Variants in FHIP1A observed in about 807,000 individuals in gnomAD.
The protein encoded by FHIP1A is FHF complex subunit HOOK interacting protein 1A.
FHIP1A carries 61 observed loss-of-function variants against 88.6 expected under a neutral mutation model. The ratio of observed to expected loss-of-function variants is 0.69; its 90% CI spans 0.56 to 0.85. The LOEUF is 0.85. Ranked by LOEUF, FHIP1A falls within the 40% of genes least tolerant of loss-of-function variation. The pLI, the probability that FHIP1A is intolerant of heterozygous loss-of-function variation, is 0.00. For missense variants in FHIP1A, 1,154 were observed against 1,273.5 expected, an observed-to-expected ratio of 0.91 and a Z score of 1.43; for synonymous variants, 478 against 496.0, an observed-to-expected ratio of 0.96 and a Z score of 0.48.
intron 2 of FHIP1A, among the ~76,000 whole-genome samples, chr4:151,474,429 G>A (rs1309663130): frequency 6.6e-6 from 1 of 152,140 alleles, no homozygotes; most frequent in Admixed American, 6.6e-5. Flanking sequence ...TAAAGATACT[G>A]TACTGTTTAG....
intron 13 of FHIP1A, among the ~76,000 whole-genome samples, chr4:151,660,728 G>A (rs994875218): frequency 3.9e-5 from 6 of 152,170 alleles, no homozygotes; most frequent in Non-Finnish European, 1.5e-5. Context: ...TTTGGGTAGA[G>A]GGCAGAGGAA....
At chr4:151,591,823 G>A (rs1164653338) in intron 7 of FHIP1A, among the ~76,000 whole-genome samples, 2 of 152,174 alleles carry the variant, frequency 1.3e-5, no homozygotes, top group East Asian at 1.9e-4. Flanking sequence ...ATTCCATGGT[G>A]TATTCCATGG....
intron 3 of FHIP1A, among the ~76,000 whole-genome samples, chr4:151,524,201 C>G (rs1731548776): frequency 1.3e-5 from 2 of 151,766 alleles, no homozygotes; most frequent in Middle Eastern, 3.2e-3. Context: ...ACTTGGGAGG[C>G]TGAGGCAGGA....
intron 3 of FHIP1A, among the ~76,000 whole-genome samples, chr4:151,498,707 C>T (rs1018610336): frequency 4.6e-5 from 7 of 152,054 alleles, no homozygotes; most frequent in Non-Finnish European, 7.4e-5. Flanking sequence ...CCCAGCTACT[C>T]GGGAGGCTGA....
chr4:151,489,202 C>T (rs1487906746), intron 3 of FHIP1A, among the ~76,000 whole-genome samples: 1 of 152,190 alleles, frequency 6.6e-6, no homozygotes, highest in African/African-American at 2.4e-5. Flanking sequence ...AGGATTTAAC[C>T]TCACCTAGAG....
At chr4:151,568,231 A>G (rs1733465965) in intron 4 of FHIP1A, among the ~76,000 whole-genome samples, 2 of 152,236 alleles carry the variant, frequency 1.3e-5, no homozygotes. Flanking sequence ...GAAGCACAGT[A>G]CAGATACATA....
At chr4:151,482,036 C>T (rs994951637) in intron 2 of FHIP1A, among the ~76,000 whole-genome samples, 7 of 152,166 alleles carry the variant, frequency 4.6e-5, no homozygotes, top group Middle Eastern at 3.4e-3. Flanking sequence ...CGTTGGATGG[C>T]GAAAACCTGA....
chr4:151,467,836 G>A (rs1168159501), intron 2 of FHIP1A, among the ~76,000 whole-genome samples: 2 of 152,044 alleles, frequency 1.3e-5, no homozygotes, highest in East Asian at 3.9e-4. Flanking sequence ...TCAGGGGGTG[G>A]AGGGCAAGGG....
chr4:151,655,152 G>T (rs1240801391), intron 11 of FHIP1A, among the ~76,000 whole-genome samples: 1 of 152,196 alleles, frequency 6.6e-6, no homozygotes, highest in Admixed American at 6.5e-5. Context: ...TCTTCATAAG[G>T]CATGGCTTAT....
intron 7 of FHIP1A, among the ~76,000 whole-genome samples, chr4:151,591,244 A>C (rs1300026442): frequency 3.9e-5 from 6 of 152,202 alleles, no homozygotes; most frequent in African/African-American, 1.4e-4. Context: ...TCAGAAGCAC[A>C]TGAACAAAGA....
At chr4:151,586,504 G>A (rs1369286014) in intron 5 of FHIP1A, 137 bp from the exon 6 acceptor site, 7 of 595,712 alleles carry the variant, frequency 1.2e-5, no homozygotes, top group South Asian at 9.0e-5. Context: ...GCTGGCTGAC[G>A]GGCTCTTATA....
chr4:151,646,378 T>G (rs1225865900), intron 9 of FHIP1A, among the ~76,000 whole-genome samples, 180 bp from the exon 10 acceptor site: 2 of 152,230 alleles, frequency 1.3e-5, no homozygotes, highest in African/African-American at 4.8e-5. Flanking sequence ...AAAGAGGTTG[T>G]TCTTTCAGAA....
At chr4:151,528,836 C>T (rs191230987) in intron 3 of FHIP1A, among the ~76,000 whole-genome samples, 16 of 152,260 alleles carry the variant, frequency 1.1e-4, no homozygotes, top group African/African-American at 3.6e-4. Flanking sequence ...ATATTTTCCC[C>T]CCCTTCAGCT....
intron 3 of FHIP1A, among the ~76,000 whole-genome samples, chr4:151,555,131 G>A (rs1355225153): frequency 6.6e-6 from 1 of 152,046 alleles, no homozygotes; most frequent in Non-Finnish European, 1.5e-5. Flanking sequence ...CCCCAGAGGC[G>A]TTGGCTCTTT....
chr4:151,618,908 G>C (rs553203705), intron 7 of FHIP1A, among the ~76,000 whole-genome samples: 1 of 152,310 alleles, frequency 6.6e-6, no homozygotes, highest in South Asian at 2.1e-4. Context: ...GGCTGAGAAA[G>C]GGAGCACATT....
At chr4:151,564,846 T>C (rs900813584) in intron 3 of FHIP1A, among the ~76,000 whole-genome samples, 5 of 152,210 alleles carry the variant, frequency 3.3e-5, no homozygotes, top group African/African-American at 1.2e-4. Context: ...CCAAAAATTC[T>C]TTCTAAGACC....
intron 7 of FHIP1A, among the ~76,000 whole-genome samples, chr4:151,591,106 T>A (rs1026541462): frequency 4.0e-4 from 60 of 151,750 alleles, no homozygotes; most frequent in African/African-American, 1.4e-3. Context: ...TTTTTTTTTT[T>A]ATCATGTAGG....
chr4:151,454,337 C>T (rs1215760246), intron 1 of FHIP1A, among the ~76,000 whole-genome samples: 3 of 152,144 alleles, frequency 2.0e-5, no homozygotes, highest in Non-Finnish European at 4.4e-5. Flanking sequence ...CTTTTCCTCC[C>T]TGTTTGGGCC....
chr4:151,638,678 T>G lies in FHIP1A; in HGVS notation c.1148T>G (p.Leu383Arg), dbSNP rs1382806654. 16 of 1,545,490 alleles carry G rather than the reference T, an allele frequency of 1.0e-5. No homozygotes were observed. Among genetic ancestry groups the G allele is most frequent in the Non-Finnish European group, 1.4e-5 (16 of 1,142,052 alleles). ...GAATGTGTGTCTCTTGCTTCCCAGC[T>G]TTGTGTGGTGTCTCTGGCATTATTC... ...LTSRINTPFR[L>R]CVVSLALFRT... Residue 383 changes from leucine to arginine, a missense_variant and splice_region_variant, in exon 9 of 14, where the codon CTT (leucine) becomes CGT (arginine). By Grantham distance (102) the Leu-to-Arg change is moderately radical (BLOSUM62 -2). Coordinates refer to ENST00000435205, the MANE Select transcript of FHIP1A (RefSeq NM_001109977.3).
Sources: allele counts gnomAD v4.1 joint callset (sites outside exome capture counted in the v4.1 genomes callset), GRCh38; gene constraint gnomAD v4.1.1; transcripts MANE v1.5; gene names NCBI Gene and HGNC (gene_info 2026-07-23, HGNC 2026-07-21).